LUZP2: variants seen among roughly 807,000 people sequenced by gnomAD.
The protein encoded by LUZP2 is leucine zipper protein 2.
A neutral mutation model predicts 51.6 loss-of-function variants in LUZP2; 52 were observed. The observed-to-expected ratio is 1.01, with a 90% CI of 0.81 to 1.27. The LOEUF is 1.27. Among genes scored for constraint, LUZP2 ranks in the 50% most tolerant of loss-of-function variants. The probability of loss-of-function intolerance (pLI) is 0.00; values close to 1 mark genes in which losing one functional copy is unlikely to be tolerated. For missense variants in LUZP2, 436 were observed against 395.4 expected (o/e 1.10, Z -0.87); for synonymous variants, 154 against 137.3 (o/e 1.12, Z -0.85).
At chr11:24,794,201 C>T (rs949816448) in intron 5 of LUZP2, among the ~76,000 whole-genome samples, 1 of 152,082 alleles carries the variant, frequency 6.6e-6, no homozygotes, top group Non-Finnish European at 1.5e-5. Flanking sequence ...TGCCATTAAA[C>T]CTTGACCAAG....
chr11:24,570,318 A>T (rs1283923703), intron 1 of LUZP2, among the ~76,000 whole-genome samples: 1 of 152,106 alleles, frequency 6.6e-6, no homozygotes, highest in East Asian at 1.9e-4. Context: ...CATCTTTTAT[A>T]TGCAAAAATA....
chr11:25,014,329 T>A (rs377486641), intron 9 of LUZP2, among the ~76,000 whole-genome samples: 1 of 152,222 alleles, frequency 6.6e-6, no homozygotes, highest in South Asian at 2.1e-4. Flanking sequence ...CACCACACTG[T>A]CTTCCACAAT....
At chr11:24,904,744 G>T (rs1853395415) in intron 5 of LUZP2, among the ~76,000 whole-genome samples, 1 of 151,994 alleles carries the variant, frequency 6.6e-6, no homozygotes. Flanking sequence ...CTGCTGTGCA[G>T]AAGTAGTAAA....
At chr11:25,025,269 T>C (rs1045621865) in intron 9 of LUZP2, among the ~76,000 whole-genome samples, 1 of 152,058 alleles carries the variant, frequency 6.6e-6, no homozygotes, top group Non-Finnish European at 1.5e-5. Context: ...CCAAAAGCTA[T>C]GGCAACAAAA....
chr11:25,078,608 C>A lies in LUZP2; in HGVS notation c.991C>A (p.Pro331Thr). The change falls in exon 12 of 12, where the codon CCA becomes ACA. Residue 331 changes from proline (P) to threonine (T), a missense_variant. By Grantham distance (38) the Pro-to-Thr change is conservative. Transcript: ENST00000336930. ...ECEVKKAPEK[P>T]LTSFEGMAAR... is the part of the protein sequence containing the mutation. ...TGAGGTGAAAAAAGCCCCAGAAAAACCATTGACCAGCTTTGAAGGGATGGC... is the reference window on the plus strand; with the variant it reads ...TGAGGTGAAAAAAGCCCCAGAAAAAACATTGACCAGCTTTGAAGGGATGGC... 1 of 1,612,326 alleles carries A rather than the reference C, an allele frequency of 6.2e-7. No individual in the cohort carries two copies. Among genetic ancestry groups the A allele is most frequent in the Non-Finnish European group, 8.5e-7 (1 of 1,179,560 alleles).
chr11:24,978,909 A>G (rs530602602), intron 8 of LUZP2, among the ~76,000 whole-genome samples: 1 of 151,718 alleles, frequency 6.6e-6, no homozygotes, highest in South Asian at 2.1e-4. Flanking sequence ...TCTCCTCCCA[A>G]TTCCACCTCC....
rs546656605 is a variant in LUZP2, at chr11:24,619,400, A to T, written c.63-109769A>T. Among the ~76,000 whole-genome samples the T allele has an allele frequency of 4.6e-5, 7 of 152,234 alleles. No individual in the cohort carries two copies. In the South Asian group the frequency reaches 1.5e-3, roughly 32 times the overall value. On this transcript the variant is annotated intron_variant, in intron 1 of 11. Coordinates refer to ENST00000336930, the MANE Select transcript of LUZP2 (RefSeq NM_001009909.4). ...GTAGCATCTGCTGTACTAGACTCCC[A>T]AATCCTTTAGAAAGGAGACCAGAAT...
chr11:24,572,736 A>G (rs1156682404), intron 1 of LUZP2, among the ~76,000 whole-genome samples: 1 of 152,018 alleles, frequency 6.6e-6, no homozygotes, highest in African/African-American at 2.4e-5. Context: ...ATCATTCGTA[A>G]TTTAGACTGG....
intron 7 of LUZP2, among the ~76,000 whole-genome samples, chr11:24,926,650 T>G (rs922293239): frequency 8.1e-6 from 1 of 123,438 alleles, no homozygotes; most frequent in Non-Finnish European, 1.7e-5. Flanking sequence ...TATATATATA[T>G]GTGTGTGTAT....
intron 5 of LUZP2, among the ~76,000 whole-genome samples, chr11:24,767,963 G>A (rs534015438): frequency 9.9e-6 from 1 of 101,220 alleles, no homozygotes; most frequent in African/African-American, 3.7e-5. Context: ...CCTTTCTATA[G>A]TATCATTTCT....
intron 1 of LUZP2, among the ~76,000 whole-genome samples, chr11:24,595,638 A>G (rs559995706): frequency 6.8e-4 from 104 of 152,310 alleles, no homozygotes; most frequent in African/African-American, 2.4e-3. Context: ...ATGCCTCCCC[A>G]TAGCCAGTTA....
chr11:24,582,962 C>A (rs1453209229), intron 1 of LUZP2, among the ~76,000 whole-genome samples: 1 of 152,092 alleles, frequency 6.6e-6, no homozygotes, highest in African/African-American at 2.4e-5. Flanking sequence ...GAGAATAGGA[C>A]AAATTCTATG....
At chr11:25,054,737 C>G (rs560098698) in intron 10 of LUZP2, among the ~76,000 whole-genome samples, 1 of 151,592 alleles carries the variant, frequency 6.6e-6, no homozygotes, top group Non-Finnish European at 1.5e-5. Context: ...TTAGTGGTTA[C>G]CATAGTAGGT....
intron 1 of LUZP2, among the ~76,000 whole-genome samples, chr11:24,567,862 G>A (rs1260667555): frequency 6.6e-6 from 1 of 152,118 alleles, no homozygotes; most frequent in Non-Finnish European, 1.5e-5. Flanking sequence ...ATGAAAGGAA[G>A]TGATACAATA....
chr11:25,019,753 A>G (rs1857275469), intron 9 of LUZP2, among the ~76,000 whole-genome samples: 1 of 152,072 alleles, frequency 6.6e-6, no homozygotes, highest in African/African-American at 2.4e-5. Flanking sequence ...CATGCACACT[A>G]TTTAAACTGC....
At chr11:24,998,248 A>G (rs1856568205) in intron 9 of LUZP2, among the ~76,000 whole-genome samples, 1 of 152,156 alleles carries the variant, frequency 6.6e-6, no homozygotes, top group Admixed American at 6.5e-5. Context: ...CTTCCTACCC[A>G]TGAGCATGGA....
intron 5 of LUZP2, among the ~76,000 whole-genome samples, chr11:24,794,554 C>T (rs1375244073): frequency 1.3e-5 from 2 of 152,086 alleles, no homozygotes; most frequent in Non-Finnish European, 2.9e-5. Context: ...TATTAAAACA[C>T]ATAAGCTAAA....
At chr11:24,728,556 A>C (rs962851380) in intron 1 of LUZP2, among the ~76,000 whole-genome samples, 12 of 151,882 alleles carry the variant, frequency 7.9e-5, no homozygotes, top group African/African-American at 2.9e-4. Context: ...CAAAACATAA[A>C]TCTGATCTTG....
intron 9 of LUZP2, among the ~76,000 whole-genome samples, chr11:25,026,791 T>TGC (rs1565248140): frequency 6.6e-5 from 10 of 151,958 alleles, no homozygotes; most frequent in African/African-American, 2.2e-4. Context: ...ATCCACCCTA[T>TGC]CTCCGAGAAA....
Sources: allele counts gnomAD v4.1 joint callset (sites outside exome capture counted in the v4.1 genomes callset), GRCh38; gene constraint gnomAD v4.1.1; transcripts MANE v1.5; gene names NCBI Gene and HGNC (gene_info 2026-07-23, HGNC 2026-07-21).